The following KIF21A variants were observed in gnomAD, a reference collection of about 807,000 sequenced individuals.
KIF21A encodes kinesin family member 21A, also known as kinesin-like protein KIF21A.
KIF21A carries 114 observed loss-of-function variants against 202.9 expected under a neutral mutation model. The ratio of observed to expected loss-of-function variants is 0.56; its 90% CI spans 0.48 to 0.66. KIF21A has a LOEUF of 0.66. Ranked by LOEUF, KIF21A falls within the 30% of genes least tolerant of loss-of-function variation. KIF21A has a pLI of 0.00. For missense variants in KIF21A, 1,677 were observed against 1,994.9 expected, an observed-to-expected ratio of 0.84 and a Z score of 3.04; for synonymous variants, 667 against 670.8, an observed-to-expected ratio of 0.99 and a Z score of 0.09.
At chr12:39,295,713 T>G (rs1328860986) in intron 37 of KIF21A, among the ~76,000 whole-genome samples, 1 of 145,378 alleles carries the variant, frequency 6.9e-6, no homozygotes, top group East Asian at 2.0e-4. Context: ...TTTTTTTTTT[T>G]TTTTTTGACA....
chr12:39,402,540 C>T (rs2139879151), intron 1 of KIF21A, among the ~76,000 whole-genome samples: 1 of 152,192 alleles, frequency 6.6e-6, no homozygotes, highest in South Asian at 2.1e-4. Context: ...CTGTATTATA[C>T]ATACCTATAC....
At chr12:39,401,250 T>C (rs186528531) in intron 1 of KIF21A, among the ~76,000 whole-genome samples, 17 of 152,144 alleles carry the variant, frequency 1.1e-4, no homozygotes, top group East Asian at 9.7e-4. Context: ...AAAATAGACA[T>C]TCATAAGGAA....
At chr12:39,421,567 C>T (rs1036459245) in intron 1 of KIF21A, among the ~76,000 whole-genome samples, 1 of 151,746 alleles carries the variant, frequency 6.6e-6, no homozygotes, top group African/African-American at 2.4e-5. Flanking sequence ...ATAGTGCATG[C>T]CTGTAGTCCC....
rs756637011 is a variant in KIF21A, at chr12:39,357,420, G to A, written c.1233C>T (p.Asp411=). ...CATTGATGCTTTCCACACCCTCTTC[G>A]TCAATTATTCTTTTACCCTAGTAAA... ...MEYKTGKRII[D]EEGVESINDM... The change falls in exon 9 of 38, where the codon GAC becomes GAT. Residue 411 remains aspartate, a synonymous_variant. Transcript: ENST00000361418. 3.7e-6 allele frequency: 6 copies of A among 1,613,550 alleles called. No individual in the cohort carries two copies. In the East Asian group the frequency reaches 6.7e-5, roughly 18 times the overall value.
At chr12:39,304,618 C>T (rs114249911) in intron 35 of KIF21A, among the ~76,000 whole-genome samples, 1,659 of 152,150 alleles carry the variant, frequency 0.011, 38 homozygotes, top group African/African-American at 0.036. Context: ...GTTTTCCAAC[C>T]TTTCTTCTAT....
At chr12:39,427,293 C>A (rs1954841340) in intron 1 of KIF21A, among the ~76,000 whole-genome samples, 1 of 152,222 alleles carries the variant, frequency 6.6e-6, no homozygotes, top group Non-Finnish European at 1.5e-5. Context: ...ACTTTAGTAA[C>A]TTCTGCTGTG....
intron 34 of KIF21A, among the ~76,000 whole-genome samples, chr12:39,305,425 T>C (rs1203306937): frequency 4.0e-5 from 6 of 149,734 alleles, no homozygotes; most frequent in African/African-American, 1.5e-4. Flanking sequence ...CAGGCTGAAG[T>C]GCGGTGGCTA....
intron 1 of KIF21A, among the ~76,000 whole-genome samples, chr12:39,403,714 C>T (rs1255305431): frequency 6.6e-6 from 1 of 152,150 alleles, no homozygotes; most frequent in Admixed American, 6.5e-5. Flanking sequence ...TCTACACAAA[C>T]ATGTTATTAT....
intron 1 of KIF21A, among the ~76,000 whole-genome samples, chr12:39,437,687 C>T (rs1057105490): frequency 6.6e-5 from 10 of 152,120 alleles, no homozygotes; most frequent in East Asian, 1.9e-4. Flanking sequence ...CCACATATTT[C>T]GTGTGTTTAA....
At chr12:39,437,959 C>T (rs901266059) in intron 1 of KIF21A, among the ~76,000 whole-genome samples, 1 of 152,100 alleles carries the variant, frequency 6.6e-6, no homozygotes, top group African/African-American at 2.4e-5. Context: ...TCTAGAGTTT[C>T]AACTTAAAAG....
intron 1 of KIF21A, among the ~76,000 whole-genome samples, chr12:39,397,631 C>T (rs139626354): frequency 6.6e-6 from 1 of 152,308 alleles, no homozygotes; most frequent in East Asian, 1.9e-4. Flanking sequence ...TGTAGGTACT[C>T]AAGCATTTGC....
Position 39,322,871 on chromosome 12 carries a change from T to A in KIF21A, c.3468A>T (p.Arg1156Ser). Residue 1156 changes from arginine (R) to serine (S), a missense_variant, in exon 27 of 38, where the codon AGA (arginine) becomes AGT (serine). By Grantham distance (110) the Arg-to-Ser change is moderately radical (BLOSUM62 -1). Transcript: ENST00000361418. Reference protein sequence around the residue: ...EVKPKNKARRRTTTQMELLYA... With the variant: ...EVKPKNKARRSTTTQMELLYA... ...ACAGCAATTCCATCTGAGTGGTGGT[T>A]CTCCTTCGGGCCTAGTCAAAGAATG... is the stretch of plus-strand genomic sequence containing the variant. 1 of 1,549,322 alleles carries A rather than the reference T, an allele frequency of 6.5e-7. No individual in the cohort carries two copies. Among genetic ancestry groups the A allele is most frequent in the Non-Finnish European group, 8.7e-7 (1 of 1,151,736 alleles).
intron 1 of KIF21A, among the ~76,000 whole-genome samples, chr12:39,402,033 A>C (rs1310661487): frequency 6.6e-6 from 1 of 152,178 alleles, no homozygotes; most frequent in Non-Finnish European, 1.5e-5. Context: ...ATATATTGAT[A>C]AAACAAAAAC....
chr12:39,442,913 CAG>C lies in KIF21A; in HGVS notation c.44+12_44+13del. ...CCCGCCGCCCGCCGCCCGCCGCCGG[CAG>C]ACTGTCCTCACCTGACAGCCACCCG... On this transcript the variant is annotated intron_variant, in intron 1 of 37. Coordinates refer to ENST00000361418, the MANE Select transcript of KIF21A (RefSeq NM_001173464.2). This position sits in a 1 kb window ranked among gnomAD's most constrained non-coding sequence, Gnocchi z 5.0. 3 of 1,524,478 alleles carry C rather than the reference CAG, an allele frequency of 2.0e-6. No individual in the cohort carries two copies. Among genetic ancestry groups the C allele is most frequent in the Non-Finnish European group, 1.8e-6 (2 of 1,142,658 alleles). 94.4% of individuals were successfully genotyped at this position (1,524,478 alleles called of 1,614,324 possible). A position where few individuals can be genotyped will look rare whatever the true frequency, so the allele number is the denominator to read the frequency against.
intron 3 of KIF21A, among the ~76,000 whole-genome samples, chr12:39,368,890 A>G (rs958677534): frequency 2.0e-5 from 3 of 152,170 alleles, no homozygotes; most frequent in Non-Finnish European, 4.4e-5. Context: ...ACTGTCCACC[A>G]AAGTGCAATA....
At chr12:39,327,583 T>A (rs1323360449) in intron 24 of KIF21A, among the ~76,000 whole-genome samples, 1 of 152,210 alleles carries the variant, frequency 6.6e-6, no homozygotes, top group Non-Finnish European at 1.5e-5. Context: ...AAATTAAATG[T>A]TAAACATCAT....
chr12:39,317,022 A>G (rs546335749), intron 29 of KIF21A, among the ~76,000 whole-genome samples: 2 of 152,342 alleles, frequency 1.3e-5, no homozygotes, highest in African/African-American at 4.8e-5. Flanking sequence ...CCTAATGTTC[A>G]ACTTTTCTCA....
At chr12:39,310,881 A>G (rs1353525807) in intron 32 of KIF21A, among the ~76,000 whole-genome samples, 2 of 152,034 alleles carry the variant, frequency 1.3e-5, no homozygotes, top group African/African-American at 4.8e-5. Context: ...CTAGGTTTCT[A>G]ATCCTTGTTC....
intron 26 of KIF21A, among the ~76,000 whole-genome samples, chr12:39,324,879 T>C (rs1194984300): frequency 6.6e-6 from 1 of 152,214 alleles, no homozygotes; most frequent in African/African-American, 2.4e-5. Context: ...ATTCAATCCA[T>C]TCATTCAACA....
Sources: allele counts gnomAD v4.1 joint callset (sites outside exome capture counted in the v4.1 genomes callset), GRCh38; gene constraint gnomAD v4.1.1; non-coding constraint Gnocchi (gnomAD v3.1); transcripts MANE v1.5; gene names NCBI Gene and HGNC (gene_info 2026-07-23, HGNC 2026-07-21).